CDC14B: variants seen among roughly 807,000 people sequenced by gnomAD.
CDC14B encodes cell division cycle 14B, also known as dual specificity protein phosphatase CDC14B.
A neutral mutation model predicts 64.2 loss-of-function variants in CDC14B; 22 were observed. That is an observed-to-expected ratio of 0.34 (90% CI 0.24 to 0.49). The LOEUF (loss-of-function observed/expected upper bound fraction) is 0.49. CDC14B is among the 20% of genes least tolerant of loss of function. The pLI is 0.99. For missense variants in CDC14B, 498 were observed against 629.9 expected, an observed-to-expected ratio of 0.79 and a Z score of 2.24; for synonymous variants, 191 against 215.8, an observed-to-expected ratio of 0.89 and a Z score of 1.01.
chr9:96,611,406 G>A (rs531918036), intron 1 of CDC14B, among the ~76,000 whole-genome samples: 1 of 152,142 alleles, frequency 6.6e-6, no homozygotes, highest in African/African-American at 2.4e-5. Context: ...CAACAACTCC[G>A]CACCTACTTA....
downstream of CDC14B, among the ~76,000 whole-genome samples, chr9:96,498,918 T>G (rs1343671417): frequency 6.6e-6 from 1 of 151,982 alleles, no homozygotes; most frequent in Non-Finnish European, 1.5e-5. Flanking sequence ...GGACCAGGGG[T>G]CCCTGCAGCC....
chr9:96,554,115 G>C (rs1417709642), intron 4 of CDC14B, among the ~76,000 whole-genome samples: 1 of 152,134 alleles, frequency 6.6e-6, no homozygotes, highest in Non-Finnish European at 1.5e-5. Context: ...AGTGAGCCGA[G>C]ATCGCGCCAC....
intron 1 of CDC14B, among the ~76,000 whole-genome samples, chr9:96,617,432 C>T (rs1179570347): frequency 6.6e-6 from 1 of 152,072 alleles, no homozygotes; most frequent in Non-Finnish European, 1.5e-5. Flanking sequence ...TTCAAATCTA[C>T]ATAAACATTT....
In CDC14B at chr9:96,523,334, G is replaced by A. The variant is rs1216335099; in HGVS notation, c.1172C>T (p.Ser391Phe). 2 of 1,614,010 alleles carry A rather than the reference G, an allele frequency of 1.2e-6. No individual in the cohort carries two copies. The highest frequency in any genetic ancestry group is 1.7e-5 in the Admixed American group (1 of 59,996). ...QENGQHRAAF[S>F]KLLSGVDDIS... ...GTCATCAACGCCAGAGAGAAGTTTG[G>A]AGAAGGCTGCTCTGTGTTGTCCATT... Residue 391 changes from serine to phenylalanine, a missense_variant, in exon 11 of 14, where the codon TCC becomes TTC. Coordinates refer to ENST00000375241, the MANE Select transcript of CDC14B (RefSeq NM_033331.4).
chr9:96,522,811 C>G (rs559289832), intron 11 of CDC14B, among the ~76,000 whole-genome samples: 5 of 151,116 alleles, frequency 3.3e-5, no homozygotes, highest in African/African-American at 1.2e-4. Flanking sequence ...TGTTAGAAAA[C>G]ACATCAACAG....
At chr9:96,518,116 T>G (rs1156572975) in intron 12 of CDC14B, among the ~76,000 whole-genome samples, 1 of 152,188 alleles carries the variant, frequency 6.6e-6, no homozygotes, top group East Asian at 1.9e-4. Context: ...TATTAGAGCC[T>G]CTACTGAGCA....
intron 1 of CDC14B, among the ~76,000 whole-genome samples, chr9:96,606,676 C>T (rs1194327935): frequency 6.6e-6 from 1 of 151,942 alleles, no homozygotes; most frequent in African/African-American, 2.4e-5. Flanking sequence ...AAGCGATTCT[C>T]CTGCCTCAGC....
Position 96,515,507 on chromosome 9 carries a change from A to T in CDC14B, c.1344-5718T>A, listed in dbSNP as rs922392838. Reference sequence around the variant, plus strand: ...TTCCCTCCCCACCACCATCCCATTAATTGAAAAGATTCAGAAAAAGAACCT... The same window carrying T: ...TTCCCTCCCCACCACCATCCCATTATTTGAAAAGATTCAGAAAAAGAACCT... On this transcript the variant is annotated intron_variant, in intron 12 of 13. Transcript: ENST00000375241. This position sits in a 1 kb window ranked among gnomAD's most constrained non-coding sequence, Gnocchi z 4.3. 1 of 767,934 alleles carries T rather than the reference A, an allele frequency of 1.3e-6. No homozygotes were observed. Among genetic ancestry groups the T allele is most frequent in the Non-Finnish European group, 2.0e-6 (1 of 505,396 alleles). The allele number at this position is 767,934 out of a possible 1,614,324, so 47.6% of individuals were successfully genotyped here.
intron 4 of CDC14B, among the ~76,000 whole-genome samples, chr9:96,555,116 C>T (rs2132118968): frequency 6.6e-6 from 1 of 152,310 alleles, no homozygotes; most frequent in South Asian, 2.1e-4. Flanking sequence ...TCCCAGGCAA[C>T]CCCAAAGAGT....
intron 3 of CDC14B, 24 bp downstream of exon 3, chr9:96,564,753 T>G: frequency 7.0e-7 from 1 of 1,427,776 alleles, no homozygotes; most frequent in Admixed American, 2.0e-5. Flanking sequence ...AATGATTACT[T>G]AAGTCAAATC....
At chr9:96,603,142 G>A (rs1588063767) in intron 1 of CDC14B, among the ~76,000 whole-genome samples, 1 of 143,954 alleles carries the variant, frequency 6.9e-6, no homozygotes. Context: ...TGTCATTTGA[G>A]GTGATAGAAA....
intron 9 of CDC14B, among the ~76,000 whole-genome samples, chr9:96,524,232 G>A (rs548847039): frequency 7.9e-5 from 12 of 152,210 alleles, no homozygotes; most frequent in Admixed American, 2.6e-4. Context: ...GAGCCACCAC[G>A]CCTGGCCTTA....
intron 4 of CDC14B, among the ~76,000 whole-genome samples, chr9:96,559,579 A>C (rs1204854162): frequency 6.6e-6 from 1 of 152,194 alleles, no homozygotes; most frequent in Admixed American, 6.5e-5. Flanking sequence ...TTATATCTTG[A>C]CACTGCTTTT....
At chr9:96,566,373 T>G (rs1488093975) in intron 1 of CDC14B, among the ~76,000 whole-genome samples, 1 of 149,782 alleles carries the variant, frequency 6.7e-6, no homozygotes, top group Non-Finnish European at 1.5e-5. Context: ...TTTTTTTTTT[T>G]TGATCTGCAA....
chr9:96,618,808 G>A, intron 1 of CDC14B: 2 of 344,296 alleles, frequency 5.8e-6, no homozygotes, highest in South Asian at 4.3e-5. Flanking sequence ...GAATCCTCAG[G>A]GGCTGATTCA....
intron 5 of CDC14B, among the ~76,000 whole-genome samples, chr9:96,546,503 G>A (rs1052660691): frequency 6.6e-6 from 1 of 151,730 alleles, no homozygotes; most frequent in African/African-American, 2.4e-5. Flanking sequence ...AGGCTGGAGT[G>A]CAATGACACG....
chr9:96,615,392 A>G (rs183248193), intron 1 of CDC14B, among the ~76,000 whole-genome samples: 1 of 152,336 alleles, frequency 6.6e-6, no homozygotes, highest in East Asian at 1.9e-4. Context: ...AGGAACAAAA[A>G]TAGGGATTAA....
chr9:96,611,217 T>C (rs752361656), intron 1 of CDC14B, among the ~76,000 whole-genome samples: 1 of 152,160 alleles, frequency 6.6e-6, no homozygotes, highest in African/African-American at 2.4e-5. Context: ...TTTTGGAAAA[T>C]GTTTTCAAAA....
At chr9:96,520,005 A>C in intron 12 of CDC14B, among the ~76,000 whole-genome samples, 1 of 152,234 alleles carries the variant, frequency 6.6e-6, no homozygotes, top group East Asian at 1.9e-4. Flanking sequence ...TTCCTAAAAT[A>C]ACAACATAGA....
Sources: gnomAD v4.1 joint callset for allele counts (sites outside exome capture counted in the v4.1 genomes callset) on GRCh38, gnomAD v4.1.1 for gene constraint, Gnocchi (gnomAD v3.1) non-coding constraint, MANE v1.5 for transcripts, NCBI Gene and HGNC (gene_info 2026-07-23, HGNC 2026-07-21) for gene names.